The following SLC35F3 variants were observed in gnomAD, a reference collection of about 807,000 sequenced individuals.
SLC35F3 encodes the protein solute carrier family 35 member F3.
In SLC35F3, 25 loss-of-function variants were observed where a neutral mutation model predicts 49.9. The observed-to-expected ratio is 0.50, with a 90% CI of 0.37 to 0.70. SLC35F3 has a LOEUF of 0.70. Among genes scored for constraint, SLC35F3 ranks in the 30% least tolerant of loss-of-function variants. SLC35F3 has a pLI of 0.00. For synonymous variants in SLC35F3, 275 were observed against 265.4 expected (o/e 1.04, Z -0.35); for missense variants, 525 against 639.8 (o/e 0.82, Z 1.94).
At chr1:233,982,778 T>C (rs957379179) in intron 2 of SLC35F3, among the ~76,000 whole-genome samples, 1 of 152,206 alleles carries the variant, frequency 6.6e-6, no homozygotes, top group Non-Finnish European at 1.5e-5. Context: ...AACATCATTG[T>C]CCCTGCCTAC....
Position 234,202,959 on chromosome 1 carries a change from G to C in SLC35F3, c.284-28458G>C, listed in dbSNP as rs143629049. On this transcript the variant is annotated intron_variant, in intron 2 of 7. Coordinates refer to ENST00000366618, the MANE Select transcript of SLC35F3 (RefSeq NM_173508.4). ...TAGAGAGGGGCACCTGGGTGGAAGA[G>C]CAACCATGACTCTCCCCAGCTCAGA... is the stretch of plus-strand genomic sequence containing the variant. Among the ~76,000 whole-genome samples the C allele has an allele frequency of 6.5e-3, 991 of 152,318 alleles. 7 individuals are homozygous for C. The highest frequency in any genetic ancestry group is 0.03 in the South Asian group (147 of 4,824).
rs1662089544 is a variant in SLC35F3, at chr1:233,922,913, C to A, written c.283+17155C>A. ...CATTTATTAAATCGGGAATCGTTTCCCCATTTCTTGTTTTTGTCAGGTTTG... is the reference window on the plus strand; with the variant it reads ...CATTTATTAAATCGGGAATCGTTTCACCATTTCTTGTTTTTGTCAGGTTTG... On this transcript the variant is annotated intron_variant, in intron 2 of 7. Transcript: ENST00000366618. 2.0e-5 allele frequency among the ~76,000 whole-genome samples: 3 copies of A among 152,210 alleles called. No homozygotes were observed. In the South Asian group the frequency reaches 6.2e-4, roughly 32 times the overall value.
intron 2 of SLC35F3, among the ~76,000 whole-genome samples, chr1:234,125,589 C>T (rs1665634842): frequency 1.3e-5 from 2 of 152,202 alleles, no homozygotes; most frequent in Non-Finnish European, 2.9e-5. Context: ...GTTCCTCCAG[C>T]TGTTCCCAGC....
chr1:234,054,695 C>T (rs1408516129), intron 2 of SLC35F3, among the ~76,000 whole-genome samples: 8 of 152,308 alleles, frequency 5.3e-5, no homozygotes, highest in East Asian at 3.9e-4. Context: ...CAAAGAGCTG[C>T]GTTCCTTTGG....
intron 2 of SLC35F3, among the ~76,000 whole-genome samples, chr1:233,934,259 C>T (rs1043150752): frequency 1.3e-5 from 2 of 152,142 alleles, no homozygotes; most frequent in African/African-American, 2.4e-5. Context: ...AAACTGAGTG[C>T]CCCAGGGGTT....
At chr1:234,289,150 G>A (rs544708595) in intron 3 of SLC35F3, among the ~76,000 whole-genome samples, 3 of 152,294 alleles carry the variant, frequency 2.0e-5, no homozygotes, top group East Asian at 3.9e-4. Context: ...GCTTCCTTAG[G>A]AGAGGATCAC....
intron 2 of SLC35F3, among the ~76,000 whole-genome samples, chr1:234,201,626 A>G (rs1558258484): frequency 1.3e-5 from 2 of 152,234 alleles, no homozygotes; most frequent in South Asian, 4.1e-4. Flanking sequence ...AAGTTAAAAT[A>G]AAAATCAGTG....
intron 3 of SLC35F3, among the ~76,000 whole-genome samples, chr1:234,297,357 T>C (rs1668619754): frequency 6.6e-6 from 1 of 152,236 alleles, no homozygotes; most frequent in African/African-American, 2.4e-5. Flanking sequence ...TGCATTCCCA[T>C]GTTACCACAG....
intron 2 of SLC35F3, among the ~76,000 whole-genome samples, chr1:233,948,228 G>GA (rs1662547149): frequency 9.3e-6 from 1 of 107,620 alleles, no homozygotes; most frequent in Admixed American, 9.6e-5. Flanking sequence ...AGGGAGAGAG[G>GA]GAGAGAGAGA....
intron 2 of SLC35F3, among the ~76,000 whole-genome samples, chr1:234,011,720 T>C (rs1179260105): frequency 6.6e-6 from 1 of 152,152 alleles, no homozygotes; most frequent in African/African-American, 2.4e-5. Context: ...TAGCCCAAAA[T>C]TGATATTTTT....
chr1:234,073,373 T>C lies in SLC35F3; in HGVS notation c.284-158044T>C, dbSNP rs556077050. 8.5e-5 allele frequency among the ~76,000 whole-genome samples: 13 copies of C among 152,306 alleles called. No individual in the cohort carries two copies. In the South Asian group the frequency reaches 2.7e-3, roughly 32 times the overall value. On this transcript the variant is annotated intron_variant, in intron 2 of 7. Coordinates refer to ENST00000366618, the MANE Select transcript of SLC35F3 (RefSeq NM_173508.4). ...GTTACACAGACTGGTCCTGAAATCC[T>C]GGGCTCAAGAGATCCTCCTGCCTTG...
intron 2 of SLC35F3, among the ~76,000 whole-genome samples, chr1:233,950,183 G>A (rs180798482): frequency 8.6e-5 from 13 of 151,748 alleles, no homozygotes; most frequent in African/African-American, 2.2e-4. Context: ...TCAGGAGATC[G>A]AAACCATCCT....
At chr1:234,261,123 C>T (rs535487572) in intron 3 of SLC35F3, among the ~76,000 whole-genome samples, 2 of 152,118 alleles carry the variant, frequency 1.3e-5, no homozygotes, top group Admixed American at 1.3e-4. Context: ...GGCTACCTCC[C>T]GAGAAAGTGT....
Position 233,927,660 on chromosome 1 carries a change from A to G in SLC35F3, c.283+21902A>G, listed in dbSNP as rs528126159. On this transcript the variant is annotated intron_variant, in intron 2 of 7. Transcript: ENST00000366618. ...AGAAGACATTTTTGAACACTAAAATACATATGGACACAGAAAATTAAATAA... is the reference window on the plus strand; with the variant it reads ...AGAAGACATTTTTGAACACTAAAATGCATATGGACACAGAAAATTAAATAA... 3.2e-4 allele frequency among the ~76,000 whole-genome samples: 48 copies of G among 152,274 alleles called. No individual in the cohort carries two copies. In the South Asian group the frequency reaches 9.5e-3, roughly 30 times the overall value.
At position 234,231,475 on chromosome 1, in the gene SLC35F3, G is replaced by A. The variant is rs1438943822; in HGVS notation, c.342G>A (p.Val114=). The A allele has an allele frequency of 6.2e-7, 1 of 1,611,804 alleles. No homozygotes were observed. The highest frequency in any genetic ancestry group is 8.5e-7 in the Non-Finnish European group (1 of 1,178,928). The change falls in exon 3 of 8, where the codon GTG becomes GTA. Residue 114 remains valine, a synonymous_variant. Coordinates refer to ENST00000366618, the MANE Select transcript of SLC35F3 (RefSeq NM_173508.4). This position sits in a 1 kb window ranked among gnomAD's most constrained non-coding sequence, Gnocchi z 5.4. Reference sequence around the variant, plus strand: ...CGGAGGCCCAGGCACCGGCCGGGGTGGAGGCCGGCGGGAGAGCGAGTCGCC... The same window carrying A: ...CGGAGGCCCAGGCACCGGCCGGGGTAGAGGCCGGCGGGAGAGCGAGTCGCC... The part of the protein sequence containing the change: ...GPAEAQAPAG[V]EAGGRASRRC...
chr1:233,914,693 G>A (rs1032640194), intron 2 of SLC35F3, among the ~76,000 whole-genome samples: 6 of 152,164 alleles, frequency 3.9e-5, no homozygotes, highest in African/African-American at 1.4e-4. Flanking sequence ...CAAAGATGTG[G>A]ACACCCAGTC....
chr1:234,095,988 A>C (rs1216286863), intron 2 of SLC35F3, among the ~76,000 whole-genome samples: 1 of 152,176 alleles, frequency 6.6e-6, no homozygotes, highest in Non-Finnish European at 1.5e-5. Context: ...GAAATAGGTG[A>C]GAGATTTTGC....
At chr1:234,139,418 G>A (rs1337273392) in intron 2 of SLC35F3, among the ~76,000 whole-genome samples, 1 of 152,148 alleles carries the variant, frequency 6.6e-6, no homozygotes, top group Non-Finnish European at 1.5e-5. Context: ...ATCCCAAAAA[G>A]ATAGACACAT....
chr1:234,140,525 G>T (rs1030112512), intron 2 of SLC35F3, among the ~76,000 whole-genome samples: 2 of 152,156 alleles, frequency 1.3e-5, no homozygotes, highest in Non-Finnish European at 2.9e-5. Context: ...CATCCAGTGG[G>T]GGGTCTTGGA....
Sources: gnomAD v4.1 joint callset for allele counts (sites outside exome capture counted in the v4.1 genomes callset) on GRCh38, gnomAD v4.1.1 for gene constraint, Gnocchi (gnomAD v3.1) non-coding constraint, MANE v1.5 for transcripts, NCBI Gene and HGNC (gene_info 2026-07-23, HGNC 2026-07-21) for gene names.